Variants in PSMD6 observed in about 807,000 individuals in gnomAD.
PSMD6 encodes proteasome 26S subunit, non-ATPase 6, also known as 26S proteasome non-ATPase regulatory subunit 6.
In PSMD6, 7 loss-of-function variants were observed where a neutral mutation model predicts 44.9. That is an observed-to-expected ratio of 0.16 (90% CI 0.09 to 0.29). The LOEUF (loss-of-function observed/expected upper bound fraction) is 0.29, where lower values mean the gene tolerates loss of function less well. Ranked by LOEUF, PSMD6 falls within the 10% of genes least tolerant of loss-of-function variation. The pLI is 1.00. For synonymous variants in PSMD6, 184 were observed against 172.7 expected (o/e 1.07, Z -0.51); for missense variants, 420 against 482.6 (o/e 0.87, Z 1.21).
intron 7 of PSMD6, 26 bp downstream of exon 7, chr3:64,010,852 C>T (rs760559278): frequency 6.3e-6 from 10 of 1,583,364 alleles, no homozygotes; most frequent in Non-Finnish European, 1.7e-6. Context: ...TTTAGGAATG[C>T]CCCTTATTCT....
At chr3:64,019,813 T>C (rs930013272) in intron 2 of PSMD6, 5 of 169,432 alleles carry the variant, frequency 3.0e-5, no homozygotes, top group Admixed American at 6.3e-5. Flanking sequence ...GTTTTGGAAA[T>C]TGTATCTTAG....
chr3:64,023,804 C>A, upstream of PSMD6: 1 of 1,479,094 alleles, frequency 6.8e-7, no homozygotes, highest in Non-Finnish European at 9.1e-7. Context: ...AAAACAATCA[C>A]CATAGTTTGT....
intron 2 of PSMD6, among the ~76,000 whole-genome samples, chr3:64,020,656 A>G (rs924438129): frequency 6.6e-6 from 1 of 152,240 alleles, no homozygotes; most frequent in African/African-American, 2.4e-5. Flanking sequence ...CTCGTTTTAG[A>G]TATACATTGC....
At chr3:64,019,086 C>T (rs369611240) in intron 3 of PSMD6, 49 bp from the exon 4 acceptor site, 136 of 1,504,716 alleles carry the variant, frequency 9.0e-5, no homozygotes, top group Admixed American at 7.7e-4. Flanking sequence ...GACAAGGCCA[C>T]GTTTTAAAAA....
chr3:64,023,512 GCCT>G, upstream of PSMD6: 2 of 1,442,712 alleles, frequency 1.4e-6, no homozygotes, highest in East Asian at 2.7e-5. Context: ...ACGCCCGGCC[GCCT>G]GCGGCCCGGC....
At position 64,022,478 on chromosome 3, in the gene PSMD6, T is replaced by G; in HGVS notation, c.191A>C (p.Gln64Pro). ...TTTATTGAGTAGGTCCACGTCTATC[T>G]GCCAGTCGAGGGATTTGCACAAGGC... ...YEALCKSLDW[Q>P]IDVDLLNKMK... Residue 64 changes from glutamine to proline, a missense_variant, in exon 2 of 8, where the codon CAG (glutamine) becomes CCG (proline). Physicochemically the swap from Gln to Pro is moderately conservative, Grantham distance 76 (BLOSUM62 -1). This residue lies in a region of PSMD6 where 136 missense variants were observed against 124.2 expected (regional missense o/e 1.09). Transcript: ENST00000295901. 1 of 1,614,166 alleles carries G rather than the reference T, an allele frequency of 6.2e-7. No individual in the cohort carries two copies. Among genetic ancestry groups the G allele is most frequent in the South Asian group, 1.1e-5 (1 of 91,086 alleles).
At chr3:64,011,759 T>C (rs1411214879) in intron 6 of PSMD6, 1 of 152,148 alleles carries the variant, frequency 6.6e-6, no homozygotes, top group Admixed American at 6.5e-5. Flanking sequence ...CTGCGGTGTG[T>C]GCCCCTAACT....
At chr3:64,021,405 C>T (rs969897290) in intron 2 of PSMD6, among the ~76,000 whole-genome samples, 5 of 151,804 alleles carry the variant, frequency 3.3e-5, no homozygotes, top group Middle Eastern at 3.4e-3. Flanking sequence ...ATCCTATGTA[C>T]TTAAAAAAAA....
chr3:64,011,019 G>A, intron 6 of PSMD6, 64 bp from the exon 7 acceptor site: 1 of 1,302,102 alleles, frequency 7.7e-7, no homozygotes, highest in East Asian at 2.3e-5. Flanking sequence ...AATGCAAACG[G>A]CATTAAAATA....
In PSMD6 at chr3:64,018,929, A is replaced by C; in HGVS notation, c.606T>G (p.Leu202=). The C allele has an allele frequency of 6.2e-7, 1 of 1,603,370 alleles. No homozygotes were observed. The highest frequency in any genetic ancestry group is 8.5e-7 in the Non-Finnish European group (1 of 1,170,222). Residue 202 remains leucine (L), a synonymous_variant, in exon 4 of 8, where the codon CTT becomes CTG. Transcript: ENST00000295901. ...AGGATGTAAATGTTGAAACAGTGTC[A>C]AGGAAGAGTTCAGCTGCCTGTTTGA... ...RDFKQAAELF[L]DTVSTFTSYE... is the part of the protein sequence containing the mutation.
In PSMD6 at chr3:64,018,916, T is replaced by C; in HGVS notation, c.619A>G (p.Thr207Ala). Residue 207 changes from threonine (T) to alanine (A), a missense_variant, in exon 4 of 8, where the codon ACA becomes GCA. By Grantham distance (58) the Thr-to-Ala change is moderately conservative. Transcript: ENST00000295901. ...AAELFLDTVS[T>A]FTSYELMDYK... is the part of the protein sequence containing the mutation. ...TCCATGAGTTCATAGGATGTAAATG[T>C]TGAAACAGTGTCAAGGAAGAGTTCA... The C allele has an allele frequency of 6.3e-7, 1 of 1,599,058 alleles. No homozygotes were observed. The highest frequency in any genetic ancestry group is 8.6e-7 in the Non-Finnish European group (1 of 1,166,306).
Position 64,023,458 on chromosome 3 carries a change from G to A in PSMD6, c.-39C>T, listed in dbSNP as rs773887548. On this transcript the variant is annotated 5_prime_UTR_variant, in exon 1 of 8. Transcript: ENST00000295901. ...ACAGCGGCTGACAGGACACAACTTG[G>A]TTACGACCGGCTGCGGCAGCGGAAG... The A allele has an allele frequency of 3.9e-6, 6 of 1,527,214 alleles. No homozygotes were observed. Among genetic ancestry groups the A allele is most frequent in the South Asian group, 3.6e-5 (3 of 83,510 alleles). 94.6% of individuals were successfully genotyped at this position (1,527,214 alleles called of 1,614,324 possible).
Position 64,011,086 on chromosome 3 carries a change from C to T in PSMD6, c.996-131G>A. 5.7e-6 allele frequency: 4 copies of T among 699,034 alleles called. No individual in the cohort carries two copies. In the South Asian group the frequency reaches 5.8e-5, roughly 10 times the overall value. 43.3% of individuals were successfully genotyped at this position (699,034 alleles called of 1,614,324 possible). A position where few individuals can be genotyped will look rare whatever the true frequency, so the allele number is the denominator to read the frequency against. ...CCCTTCAAGCTTGTTATTGCACATG[C>T]AGTAGTTGACGTTGTCCCTCCTATA... On this transcript the variant is annotated intron_variant, in intron 6 of 7. Coordinates refer to ENST00000295901, the MANE Select transcript of PSMD6 (RefSeq NM_014814.3).
At position 64,013,452 on chromosome 3, in the gene PSMD6, C is replaced by T. The variant is rs779061924; in HGVS notation, c.982G>A (p.Glu328Lys). The change falls in exon 6 of 8, where the codon GAA (glutamate) becomes AAA (lysine). Residue 328 changes from glutamate (E) to lysine (K), a missense_variant. Around this residue, in one of 4 missense-constraint regions of PSMD6, gnomAD observed 63 missense variants for 112.1 expected, o/e 0.56. Coordinates refer to ENST00000295901, the MANE Select transcript of PSMD6 (RefSeq NM_014814.3). ...ATTCAAACTTACTGATCAATGAATT[C>T]CACACCAACACCAAACGCTTCTGCC... Reference protein sequence around the residue: ...YMAEAFGVGVEFIDQELSRFI... With the variant: ...YMAEAFGVGVKFIDQELSRFI... 6 of 1,572,680 alleles carry T rather than the reference C, an allele frequency of 3.8e-6. No homozygotes were observed. The highest frequency in any genetic ancestry group is 2.3e-5 in the East Asian group (1 of 43,580).
chr3:64,017,120 G>A (rs2076056415), intron 5 of PSMD6: 1 of 152,372 alleles, frequency 6.6e-6, no homozygotes, highest in Non-Finnish European at 1.5e-5. Context: ...CAGACATAAA[G>A]TAGATCAGTG....
intron 6 of PSMD6, chr3:64,013,114 C>G (rs549081929): frequency 6.5e-5 from 13 of 200,376 alleles, no homozygotes; most frequent in Middle Eastern, 3.7e-3. Context: ...AATATCAGAT[C>G]TAAGAGTCAT....
chr3:64,016,909 T>C (rs1156557200), intron 5 of PSMD6: 1 of 152,174 alleles, frequency 6.6e-6, no homozygotes. Flanking sequence ...CACAAAAATC[T>C]ATGAACTAAT....
rs2076159774 is a variant in PSMD6 at position 64,023,120 on chromosome 3, C to G, written c.145+155G>C. The G allele has an allele frequency of 1.3e-5, 19 of 1,425,476 alleles. No homozygotes were observed. The South Asian group carries it at 2.9e-4, about 21-fold the overall frequency. The allele number at this position is 1,425,476 out of a possible 1,614,324, so 88.3% of individuals were successfully genotyped here. A position where few individuals can be genotyped will look rare whatever the true frequency, so the allele number is the denominator to read the frequency against. ...CGAGGTCCCCCAGGGTATCCCCAAA[C>G]CAAAGCAAAACCCTAAGGGCCGGAG... is the stretch of plus-strand genomic sequence containing the variant. On this transcript the variant is annotated intron_variant, in intron 1 of 7. Coordinates refer to ENST00000295901, the MANE Select transcript of PSMD6 (RefSeq NM_014814.3).
intron 6 of PSMD6, chr3:64,012,236 A>C (rs1248450702): frequency 6.6e-6 from 1 of 152,194 alleles, no homozygotes; most frequent in Non-Finnish European, 1.5e-5. Flanking sequence ...GAATGGTCTT[A>C]TTTAAAAGAA....
Sources: allele counts gnomAD v4.1 joint callset (sites outside exome capture counted in the v4.1 genomes callset), GRCh38; gene constraint gnomAD v4.1.1; regional missense constraint gnomAD v4.1.1; transcripts MANE v1.5; gene names NCBI Gene and HGNC (gene_info 2026-07-23, HGNC 2026-07-21).